The following ZFHX3 variants were observed in gnomAD, a reference collection of about 807,000 sequenced individuals.
The protein encoded by ZFHX3 is zinc finger homeobox 3, also known as zinc finger homeobox protein 3.
ZFHX3 carries 42 observed loss-of-function variants against 279.1 expected under a neutral mutation model. The observed-to-expected ratio is 0.15, with a 90% CI of 0.12 to 0.19. ZFHX3 has a LOEUF of 0.19. Among genes scored for constraint, ZFHX3 ranks in the 10% least tolerant of loss-of-function variants. ZFHX3 has a pLI of 1.00. For missense variants in ZFHX3, 4,981 were observed against 4,754.0 expected (o/e 1.05, Z -1.40); for synonymous variants, 2,293 against 1,957.8 (o/e 1.17, Z -4.52).
At chr16:72,900,377 A>C (rs1433454952) in intron 3 of ZFHX3, among the ~76,000 whole-genome samples, 1 of 152,206 alleles carries the variant, frequency 6.6e-6, no homozygotes, top group East Asian at 1.9e-4. Context: ...AGCAGAAAAA[A>C]ACACGTGTCT....
intron 2 of ZFHX3, among the ~76,000 whole-genome samples, chr16:73,528,565 G>A (rs1468277304): frequency 6.6e-6 from 1 of 152,212 alleles, no homozygotes. Flanking sequence ...CATGGGATAA[G>A]CAATCATTAG....
In ZFHX3 at chr16:73,127,562, G is replaced by A. The variant is rs1263471255; in HGVS notation, c.-897+3406C>T. The A allele has an allele frequency of 4.6e-6, 6 of 1,305,346 alleles. No individual in the cohort carries two copies. The African/African-American group carries it at 6.1e-5, about 13-fold the overall frequency. 80.9% of individuals were successfully genotyped at this position (1,305,346 alleles called of 1,614,324 possible). Reference sequence around the variant, plus strand: ...GGGAGGCTTTGGGCTCAGCCGAGCTGACTGGGGCACTTGAGGACAGCCACT... The same window carrying A: ...GGGAGGCTTTGGGCTCAGCCGAGCTAACTGGGGCACTTGAGGACAGCCACT... On this transcript the variant is annotated intron_variant, in intron 7 of 17. Coordinates refer to the ZFHX3 transcript ENST00000641206.
chr16:73,032,171 C>G (rs1222480156), intron 1 of ZFHX3, among the ~76,000 whole-genome samples: 1 of 152,012 alleles, frequency 6.6e-6, no homozygotes, highest in Non-Finnish European at 1.5e-5. Context: ...GTGATGCATG[C>G]CTACAGTCCG....
intron 3 of ZFHX3, among the ~76,000 whole-genome samples, chr16:73,335,637 G>A (rs947564148): frequency 4.6e-5 from 7 of 152,202 alleles, no homozygotes; most frequent in Admixed American, 1.3e-4. Context: ...TTTCATGTAC[G>A]TAATAATAAC....
intron 1 of ZFHX3, among the ~76,000 whole-genome samples, chr16:73,856,376 C>A (rs1961727459): frequency 6.6e-6 from 1 of 152,130 alleles, no homozygotes; most frequent in African/African-American, 2.4e-5. Context: ...AGTAACAGTT[C>A]TATGGTATTC....
intron 1 of ZFHX3, among the ~76,000 whole-genome samples, chr16:73,781,804 T>C (rs1017138956): frequency 6.6e-6 from 1 of 152,048 alleles, no homozygotes; most frequent in East Asian, 1.9e-4. Context: ...CTGACCAACA[T>C]AGTGAAACCC....
chr16:73,322,164 C>T (rs1212603756), intron 3 of ZFHX3, among the ~76,000 whole-genome samples: 4 of 152,182 alleles, frequency 2.6e-5, no homozygotes, highest in Admixed American at 2.6e-4. Context: ...CCCTGACCTG[C>T]CTGGTCCACC....
At chr16:73,105,495 TA>T (rs756553642) in intron 7 of ZFHX3, among the ~76,000 whole-genome samples, 1 of 148,146 alleles carries the variant, frequency 6.8e-6, no homozygotes, top group Non-Finnish European at 1.5e-5. Context: ...CTCACACCTG[TA>T]ATCCCAGCAC....
intron 1 of ZFHX3, among the ~76,000 whole-genome samples, chr16:73,702,816 A>G (rs1455124188): frequency 2.0e-5 from 3 of 152,224 alleles, no homozygotes; most frequent in African/African-American, 7.2e-5. Flanking sequence ...TCTTGAGATC[A>G]TGTATCTAAG....
intron 2 of ZFHX3, among the ~76,000 whole-genome samples, chr16:73,639,625 T>C (rs2142154970): frequency 1.3e-5 from 2 of 152,286 alleles, no homozygotes; most frequent in East Asian, 3.9e-4. Context: ...GGAGTTTCCC[T>C]GTATAAATTT....
At chr16:73,270,792 C>T (rs1486612429) in intron 4 of ZFHX3, among the ~76,000 whole-genome samples, 2 of 152,154 alleles carry the variant, frequency 1.3e-5, no homozygotes, top group African/African-American at 4.8e-5. Context: ...GAGATTCAAG[C>T]TTCAAGGCCT....
intron 1 of ZFHX3, among the ~76,000 whole-genome samples, chr16:72,974,063 G>T (rs1233538902): frequency 6.6e-6 from 1 of 152,214 alleles, no homozygotes; most frequent in Non-Finnish European, 1.5e-5. Flanking sequence ...TGGAACAGAA[G>T]TAAGTGCTAT....
chr16:72,914,172 C>T (rs967822282), intron 3 of ZFHX3, among the ~76,000 whole-genome samples: 1 of 152,142 alleles, frequency 6.6e-6, no homozygotes, highest in African/African-American at 2.4e-5. Context: ...AGTTAAAATG[C>T]GGCAGCACCA....
chr16:73,390,762 A>G (rs1567469406), intron 3 of ZFHX3, among the ~76,000 whole-genome samples: 1 of 151,852 alleles, frequency 6.6e-6, no homozygotes, highest in Admixed American at 6.6e-5. Context: ...ATGAAAGGAG[A>G]TCTTTCTTAT....
At chr16:73,043,632 C>A (rs990560903) in intron 1 of ZFHX3, among the ~76,000 whole-genome samples, 4 of 152,206 alleles carry the variant, frequency 2.6e-5, no homozygotes, top group Admixed American at 2.0e-4. Flanking sequence ...CCTCACCCAC[C>A]TGTCCCCTGG....
intron 1 of ZFHX3, among the ~76,000 whole-genome samples, chr16:73,880,962 T>C (rs1021486842): frequency 4.6e-5 from 7 of 152,182 alleles, no homozygotes; most frequent in African/African-American, 1.7e-4. Context: ...TTTTCTAATA[T>C]TCTGAAATCT....
chr16:72,972,185 G>A (rs1962135498), intron 1 of ZFHX3, among the ~76,000 whole-genome samples: 1 of 152,122 alleles, frequency 6.6e-6, no homozygotes, highest in Non-Finnish European at 1.5e-5. Context: ...GAGCATTCAT[G>A]CCCGGCCTTG....
chr16:73,095,487 G>A (rs191952819), intron 7 of ZFHX3, among the ~76,000 whole-genome samples: 1 of 152,248 alleles, frequency 6.6e-6, no homozygotes, highest in African/African-American at 2.4e-5. Flanking sequence ...TTAACCTTTC[G>A]ACAACTGGCA....
intron 4 of ZFHX3, among the ~76,000 whole-genome samples, chr16:73,263,400 G>T (rs541800144): frequency 3.0e-4 from 45 of 152,174 alleles, no homozygotes; most frequent in African/African-American, 1.1e-3. Context: ...TGTTACCCAG[G>T]CTGATCTTGA....
Sources: gnomAD v4.1 joint callset for allele counts (sites outside exome capture counted in the v4.1 genomes callset) on GRCh38, gnomAD v4.1.1 for gene constraint, MANE v1.5 for transcripts, NCBI Gene and HGNC (gene_info 2026-07-23, HGNC 2026-07-21) for gene names.